EPG5: variants seen among roughly 807,000 people sequenced by gnomAD.
The protein encoded by EPG5 is ectopic P-granules 5 autophagy tethering factor.
Under a neutral mutation model 302.7 loss-of-function variants are expected in EPG5, and 159 were observed. The observed-to-expected ratio is 0.53, with a 90% CI of 0.46 to 0.60. The LOEUF (loss-of-function observed/expected upper bound fraction) is 0.60. EPG5 is among the 20% of genes least tolerant of loss of function. The pLI, the probability that EPG5 is intolerant of heterozygous loss-of-function variation, is 0.00. For missense variants in EPG5, 2,896 were observed against 3,092.4 expected (o/e 0.94, Z 1.51); for synonymous variants, 1,158 against 1,136.8 (o/e 1.02, Z -0.37).
chr18:45,898,358 T>C (rs915026216), intron 27 of EPG5, among the ~76,000 whole-genome samples: 6 of 152,212 alleles, frequency 3.9e-5, no homozygotes, highest in African/African-American at 1.4e-4. Context: ...GATAATATGA[T>C]AAAGGCCACC....
intron 22 of EPG5, among the ~76,000 whole-genome samples, chr18:45,911,110 C>CACACATATAT (rs1491456763): frequency 2.2e-4 from 28 of 127,966 alleles, no homozygotes; most frequent in Admixed American, 1.4e-3. Flanking sequence ...CACACACACA[C>CACACATATAT]ATATATATAT....
At position 45,889,182 on chromosome 18, in the gene EPG5, C is replaced by T. The variant is rs867756634; in HGVS notation, c.4952+616G>A. Reference sequence around the variant, plus strand: ...GTTGGAACTGGAATGTGGAGTCAGTCACCTTAAAGTAAAGGCAGAGTCAAC... The same window carrying T: ...GTTGGAACTGGAATGTGGAGTCAGTTACCTTAAAGTAAAGGCAGAGTCAAC... On this transcript the variant is annotated intron_variant, in intron 28 of 43. Transcript: ENST00000282041. Among the ~76,000 whole-genome samples, 3 of 152,302 alleles carry T rather than the reference C, an allele frequency of 2.0e-5. No homozygotes were observed. In the South Asian group the frequency reaches 6.2e-4, roughly 32 times the overall value.
At chr18:45,925,589 A>T in intron 14 of EPG5, 149 bp downstream of exon 14, 1 of 517,234 alleles carries the variant, frequency 1.9e-6, no homozygotes, top group Non-Finnish European at 3.2e-6. Context: ...AAAGAGAATT[A>T]AACAGAAAAT....
intron 25 of EPG5, 63 bp from the exon 26 acceptor site, chr18:45,901,230 T>C (rs2049610828): frequency 2.1e-6 from 3 of 1,417,490 alleles, no homozygotes; most frequent in Non-Finnish European, 2.0e-6. Context: ...AACAGAAGCA[T>C]GTGGTACAAT....
the EPG5 span, among the ~76,000 whole-genome samples, chr18:45,831,553 C>T: frequency 6.6e-6 from 1 of 152,214 alleles, no homozygotes; most frequent in Non-Finnish European, 1.5e-5. Flanking sequence ...GCCACTGCAA[C>T]TGTATCCCCA....
At position 45,877,818 on chromosome 18, in the gene EPG5, C is replaced by T. The variant is rs563966062; in HGVS notation, c.5942+558G>A. ...CCTATAATGTGATGTTTACCACTGTCGTAATTTTTATAAAACCCTGACAAG... is the reference window on the plus strand; with the variant it reads ...CCTATAATGTGATGTTTACCACTGTTGTAATTTTTATAAAACCCTGACAAG... On this transcript the variant is annotated intron_variant, in intron 34 of 43. Coordinates refer to ENST00000282041, the MANE Select transcript of EPG5 (RefSeq NM_020964.3). 5.3e-5 allele frequency among the ~76,000 whole-genome samples: 8 copies of T among 152,212 alleles called. No individual in the cohort carries two copies. In the East Asian group the frequency reaches 1.5e-3, roughly 29 times the overall value.
intron 30 of EPG5, among the ~76,000 whole-genome samples, chr18:45,883,628 T>G (rs1258835861): frequency 7.3e-6 from 1 of 137,804 alleles, no homozygotes; most frequent in South Asian, 2.4e-4. Context: ...TTTTTTTTTT[T>G]TTTTTTTTTT....
At chr18:45,924,534 G>A (rs976774082) in intron 14 of EPG5, among the ~76,000 whole-genome samples, 1 of 152,224 alleles carries the variant, frequency 6.6e-6, no homozygotes, top group Non-Finnish European at 1.5e-5. Context: ...GTAAAGGGCT[G>A]AGTTTGCCAC....
At chr18:45,908,938 G>C (rs1281355742) in intron 23 of EPG5, among the ~76,000 whole-genome samples, 1 of 148,434 alleles carries the variant, frequency 6.7e-6, no homozygotes, top group Non-Finnish European at 1.5e-5. Flanking sequence ...GACAGAGCAA[G>C]ACTCTGCCTC....
At chr18:45,829,435 G>T in the EPG5 span, among the ~76,000 whole-genome samples, 87 of 152,254 alleles carry the variant, frequency 5.7e-4, no homozygotes, top group Non-Finnish European at 1.2e-3. Context: ...TTGACAACTT[G>T]CAAGCCCAGA....
At chr18:45,924,161 A>G (rs1555676187) in intron 14 of EPG5, among the ~76,000 whole-genome samples, 2 of 152,184 alleles carry the variant, frequency 1.3e-5, no homozygotes, top group Non-Finnish European at 2.9e-5. Flanking sequence ...GAAGTTGCCT[A>G]TCAAATTTCC....
chr18:45,953,830 C>T, intron 2 of EPG5: 1 of 985,088 alleles, frequency 1.0e-6, no homozygotes, highest in South Asian at 4.7e-5. Flanking sequence ...ATGGGGAAGA[C>T]CATTGGATGC....
intron 11 of EPG5, among the ~76,000 whole-genome samples, chr18:45,931,495 C>T (rs187256272): frequency 1.3e-5 from 2 of 152,236 alleles, no homozygotes; most frequent in South Asian, 2.1e-4. Context: ...CAGTAAACTA[C>T]ATGCAAAGTT....
intron 36 of EPG5, among the ~76,000 whole-genome samples, chr18:45,869,054 C>CA (rs139057138): frequency 0.21 from 20,903 of 98,144 alleles, 1,971 homozygotes; most frequent in Non-Finnish European, 0.29. Flanking sequence ...GACTCCGTCT[C>CA]AAAAAAAAAA....
intron 1 of EPG5, among the ~76,000 whole-genome samples, 197 bp from the exon 2 acceptor site, chr18:45,955,535 T>C (rs368817806): frequency 6.6e-6 from 1 of 152,186 alleles, no homozygotes; most frequent in Non-Finnish European, 1.5e-5. Context: ...TTATCCAATA[T>C]TGAGCGTGTT....
At chr18:45,909,982 A>T (rs960825230) in intron 23 of EPG5, among the ~76,000 whole-genome samples, 1 of 151,998 alleles carries the variant, frequency 6.6e-6, no homozygotes, top group Admixed American at 6.6e-5. Context: ...TAAAAAAAGA[A>T]CTATTCTAGC....
At chr18:45,921,869 A>C (rs964815301) in intron 16 of EPG5, among the ~76,000 whole-genome samples, 1 of 151,698 alleles carries the variant, frequency 6.6e-6, no homozygotes, top group Non-Finnish European at 1.5e-5. Flanking sequence ...GTAAATGATG[A>C]GTTAATGACT....
chr18:45,927,181 C>T (rs539744520), intron 13 of EPG5, among the ~76,000 whole-genome samples: 19 of 151,874 alleles, frequency 1.3e-4, no homozygotes, highest in Admixed American at 1.0e-3. Context: ...TACAGGTGCC[C>T]GCCACCACAC....
chr18:45,905,846 A>T (rs1417476921), intron 24 of EPG5, among the ~76,000 whole-genome samples: 2 of 152,214 alleles, frequency 1.3e-5, no homozygotes, highest in Admixed American at 1.3e-4. Flanking sequence ...CCAAGTACCT[A>T]CCATGTACAA....
Sources: gnomAD v4.1 joint callset for allele counts (sites outside exome capture counted in the v4.1 genomes callset) on GRCh38, gnomAD v4.1.1 for gene constraint, MANE v1.5 for transcripts, NCBI Gene and HGNC (gene_info 2026-07-23, HGNC 2026-07-21) for gene names.